Variants in ZNF234 observed in about 807,000 individuals in gnomAD.
ZNF234 encodes C2-H2 type zinc finger protein.
ZNF234 carries 4 observed loss-of-function variants against 10.3 expected under a neutral mutation model. The ratio of observed to expected loss-of-function variants is 0.39; its 90% confidence interval spans 0.19 to 0.89. The LOEUF is 0.89. Among genes scored for constraint, ZNF234 ranks in the 40% least tolerant of loss-of-function variants. ZNF234 has a pLI of 0.38. For synonymous variants in ZNF234, 258 were observed against 280.1 expected (o/e 0.92, Z 0.79); for missense variants, 711 against 836.1 (o/e 0.85, Z 1.85).
In ZNF234 at chr19:44,158,359, G is replaced by A; in HGVS notation, c.*240G>A. The A allele has an allele frequency of 2.1e-6, 1 of 476,406 alleles. No homozygotes were observed. The highest frequency in any genetic ancestry group is 3.8e-6 in the Non-Finnish European group (1 of 261,346). 29.5% of individuals were successfully genotyped at this position (476,406 alleles called of 1,614,324 possible). ...TGTAACCTCCACTTCCCGGGTTCAAGTGATTCTCCTGCCTCAGTGGATTAC... is the reference window on the plus strand; with the variant it reads ...TGTAACCTCCACTTCCCGGGTTCAAATGATTCTCCTGCCTCAGTGGATTAC... On this transcript the variant is annotated 3_prime_UTR_variant, in exon 6 of 6. Coordinates refer to ENST00000426739, the MANE Select transcript of ZNF234 (RefSeq NM_006630.3).
At chr19:44,155,455 G>A (rs1031934558) in intron 5 of ZNF234, among the ~76,000 whole-genome samples, 9 of 152,068 alleles carry the variant, frequency 5.9e-5, no homozygotes, top group Admixed American at 4.6e-4. Context: ...TACAATAAAG[G>A]AAGAATTCTT....
Position 44,147,259 on chromosome 19 carries a change from C to T in ZNF234, c.16-1512C>T, listed in dbSNP as rs748017803. On this transcript the variant is annotated intron_variant, in intron 3 of 5. Coordinates refer to ENST00000426739, the MANE Select transcript of ZNF234 (RefSeq NM_006630.3). ...TTTAGTTTAATTTATTTTTTTGGGACGGGGTCTCACTCTGTAACCCAGACT... is the reference window on the plus strand; with the variant it reads ...TTTAGTTTAATTTATTTTTTTGGGATGGGGTCTCACTCTGTAACCCAGACT... Among the ~76,000 whole-genome samples, 12 of 151,748 alleles carry T rather than the reference C, an allele frequency of 7.9e-5. 1 individual carries two copies. Among genetic ancestry groups the T allele is most frequent in the Admixed American group, 2.6e-4 (4 of 15,250 alleles).
chr19:44,146,802 CTCTCTTTTTTTT>C (rs1293886699), intron 3 of ZNF234, among the ~76,000 whole-genome samples: 4 of 116,114 alleles, frequency 3.4e-5, no homozygotes, highest in African/African-American at 4.8e-5. Context: ...TTCTCTCTCT[CTCTCTTTTTTTT>C]TTTTTTTTTT....
chr19:44,153,165 CATATATATATAT>C (rs10528022), intron 5 of ZNF234, among the ~76,000 whole-genome samples: 9 of 97,872 alleles, frequency 9.2e-5, no homozygotes, highest in African/African-American at 3.0e-4. Context: ...ATGTATTCAT[CATATATATATAT>C]ATATATATAT....
intron 5 of ZNF234, 45 bp downstream of exon 5, chr19:44,150,550 T>C: frequency 6.8e-7 from 1 of 1,476,658 alleles, no homozygotes; most frequent in Non-Finnish European, 9.2e-7. Flanking sequence ...ATTGTCCATC[T>C]GTTGTACTTC....
chr19:44,144,717 C>T (rs1968550678), intron 3 of ZNF234, 70 bp downstream of exon 3: 4 of 1,425,826 alleles, frequency 2.8e-6, no homozygotes, highest in Non-Finnish European at 3.7e-6. Flanking sequence ...GAGGAAGACT[C>T]AAGAACAACG....
Position 44,156,916 on chromosome 19 carries a change from A to T in ZNF234, c.900A>T (p.Arg300Ser). The change falls in exon 6 of 6, where the codon AGA (arginine) becomes AGT (serine). Residue 300 changes from arginine (R) to serine (S), a missense_variant. Physicochemically the swap from Arg to Ser is moderately radical, Grantham distance 110 (BLOSUM62 -1). Coordinates refer to ENST00000426739, the MANE Select transcript of ZNF234 (RefSeq NM_006630.3). Reference protein sequence around the residue: ...CDTCGKNFRRRSALNNHCMVH... With the variant: ...CDTCGKNFRRSSALNNHCMVH... ...CATGTGGTAAGAACTTCCGTCGTAG[A>T]TCAGCACTTAATAATCATTGCATGG... 1 of 1,614,140 alleles carries T rather than the reference A, an allele frequency of 6.2e-7. No homozygotes were observed. Among genetic ancestry groups the T allele is most frequent in the Non-Finnish European group, 8.5e-7 (1 of 1,179,990 alleles).
intron 3 of ZNF234, among the ~76,000 whole-genome samples, chr19:44,147,486 C>T (rs1290945707): frequency 6.6e-6 from 1 of 152,066 alleles, no homozygotes; most frequent in Non-Finnish European, 1.5e-5. Context: ...AATCCTCCAT[C>T]CTTGGCCTCC....
At chr19:44,143,043 T>G (rs946378395) in intron 2 of ZNF234, among the ~76,000 whole-genome samples, 1 of 152,248 alleles carries the variant, frequency 6.6e-6, no homozygotes, top group Non-Finnish European at 1.5e-5. Context: ...TATTCTATCA[T>G]GCTCATTCTT....
At chr19:44,147,635 C>G (rs1431610959) in intron 3 of ZNF234, among the ~76,000 whole-genome samples, 1 of 152,140 alleles carries the variant, frequency 6.6e-6, no homozygotes, top group African/African-American at 2.4e-5. Context: ...GGCGGATCAC[C>G]TGAGATCAGG....
rs745766017 is a variant in ZNF234 at position 44,157,533 on chromosome 19, A to G, written c.1517A>G (p.His506Arg). 1.9e-6 allele frequency: 3 copies of G among 1,614,108 alleles called. No homozygotes were observed. Among genetic ancestry groups the G allele is most frequent in the South Asian group, 2.2e-5 (2 of 91,094 alleles). ...RADLKIHCRI[H>R]TGEKPYNCEE... ...GATCTTAAAATTCATTGTAGGATCC[A>G]CACAGGGGAGAAACCATATAATTGT... Residue 506 changes from histidine (H) to arginine (R), a missense_variant, in exon 6 of 6, where the codon CAC becomes CGC. Physicochemically the swap from His to Arg is conservative, Grantham distance 29. Transcript: ENST00000426739.
chr19:44,155,543 T>C (rs1373615430), intron 5 of ZNF234, among the ~76,000 whole-genome samples: 1 of 152,218 alleles, frequency 6.6e-6, no homozygotes, highest in East Asian at 1.9e-4. Context: ...TCTTGCTGTC[T>C]CAGGGATGGC....
At position 44,157,670 on chromosome 19, in the gene ZNF234, A is replaced by C; in HGVS notation, c.1654A>C (p.Ser552Arg). ...AGAGTGTGGGAAGAGCTTCAGTCGG[A>C]GTGCACACCTTCAAGCCCATCAAAA... ...CEECGKSFSR[S>R]AHLQAHQKVH... is the part of the protein sequence containing the mutation. The change falls in exon 6 of 6, where the codon AGT becomes CGT. Residue 552 changes from serine (S) to arginine (R), a missense_variant. By Grantham distance (110) the Ser-to-Arg change is moderately radical. Transcript: ENST00000426739. 3.1e-6 allele frequency: 5 copies of C among 1,613,906 alleles called. No individual in the cohort carries two copies. Among genetic ancestry groups the C allele is most frequent in the Non-Finnish European group, 3.4e-6 (4 of 1,179,982 alleles).
At chr19:44,150,633 A>C in intron 5 of ZNF234, 128 bp downstream of exon 5, 1 of 647,138 alleles carries the variant, frequency 1.5e-6, no homozygotes, top group South Asian at 2.1e-5. Context: ...CAGCCTTCGT[A>C]CTGGGCGCAC....
At chr19:44,153,665 A>G (rs891189875) in intron 5 of ZNF234, among the ~76,000 whole-genome samples, 4 of 152,044 alleles carry the variant, frequency 2.6e-5, no homozygotes, top group Admixed American at 2.0e-4. Context: ...CCACCTTCAA[A>G]TTTTCTTATT....
intron 4 of ZNF234, 91 bp downstream of exon 4, chr19:44,148,988 G>T (rs1968669477): frequency 1.2e-5 from 17 of 1,459,558 alleles, no homozygotes; most frequent in Non-Finnish European, 1.0e-5. Flanking sequence ...TCTTGAATTA[G>T]TCGCCTACAT....
At chr19:44,147,044 G>T (rs992075073) in intron 3 of ZNF234, among the ~76,000 whole-genome samples, 13 of 151,878 alleles carry the variant, frequency 8.6e-5, no homozygotes, top group African/African-American at 3.1e-4. Context: ...TTGAACTCCT[G>T]ACCTCATGAT....
chr19:44,150,984 A>G (rs1436889746), intron 5 of ZNF234, among the ~76,000 whole-genome samples: 1 of 151,718 alleles, frequency 6.6e-6, no homozygotes, highest in Non-Finnish European at 1.5e-5. Flanking sequence ...GTGAGCCAAG[A>G]TCGCACCGCT....
At chr19:44,143,086 T>C (rs1355010960) in intron 2 of ZNF234, among the ~76,000 whole-genome samples, 5 of 152,208 alleles carry the variant, frequency 3.3e-5, no homozygotes, top group Admixed American at 3.3e-4. Context: ...CTATGACTAT[T>C]TCCTGATTTT....
Sources: allele counts gnomAD v4.1 joint callset (sites outside exome capture counted in the v4.1 genomes callset), GRCh38; gene constraint gnomAD v4.1.1; transcripts MANE v1.5; gene names NCBI Gene and HGNC (gene_info 2026-07-23, HGNC 2026-07-21).